Variants in PAPPA observed in about 807,000 individuals in gnomAD.
PAPPA encodes pappalysin 1, also known as pappalysin-1.
Under a neutral mutation model 164.0 loss-of-function variants are expected in PAPPA, and 60 were observed. The observed-to-expected ratio is 0.37, with a 90% CI of 0.30 to 0.45. The LOEUF is 0.45. PAPPA is among the 20% of genes least tolerant of loss of function. The pLI, the probability that PAPPA is intolerant of heterozygous loss-of-function variation, is 1.00. For synonymous variants in PAPPA, 875 were observed against 814.1 expected, an observed-to-expected ratio of 1.07 and a Z score of -1.27; for missense variants, 1,782 against 2,087.3, an observed-to-expected ratio of 0.85 and a Z score of 2.85.
rs1301192457 is a variant in PAPPA at position 116,398,592 on chromosome 9, T to A, written c.*1976T>A. ...CACTTGAGAAGACATCTATTGGCCA[T>A]CTCTGGCCAATTACACTAAGAAACA... On this transcript the variant is annotated 3_prime_UTR_variant, in exon 22 of 22. Coordinates refer to ENST00000328252, the MANE Select transcript of PAPPA (RefSeq NM_002581.5). 1 of 1,243,854 alleles carries A rather than the reference T, an allele frequency of 8.0e-7. No homozygotes were observed. The highest frequency in any genetic ancestry group is 2.3e-5 in the Admixed American group (1 of 43,486). 77.1% of individuals were successfully genotyped at this position (1,243,854 alleles called of 1,614,324 possible). A position where few individuals can be genotyped will look rare whatever the true frequency, so the allele number is the denominator to read the frequency against.
At chr9:116,266,801 G>T (rs2118815582) in intron 8 of PAPPA, among the ~76,000 whole-genome samples, 1 of 152,318 alleles carries the variant, frequency 6.6e-6, no homozygotes, top group East Asian at 1.9e-4. Flanking sequence ...TTTGTCTCTA[G>T]AGGTGGAAAA....
intron 5 of PAPPA, among the ~76,000 whole-genome samples, chr9:116,221,932 C>T (rs1039637378): frequency 2.6e-5 from 4 of 152,088 alleles, no homozygotes; most frequent in South Asian, 4.2e-4. Flanking sequence ...TCACCACACA[C>T]CTGTTAGAAT....
intron 7 of PAPPA, among the ~76,000 whole-genome samples, chr9:116,251,613 A>G (rs1355647696): frequency 6.6e-6 from 1 of 152,198 alleles, no homozygotes; most frequent in African/African-American, 2.4e-5. Flanking sequence ...ACTCTGCAGC[A>G]TGCCTGTTTA....
chr9:116,184,499 A>T (rs920110744), intron 1 of PAPPA, among the ~76,000 whole-genome samples: 2 of 151,790 alleles, frequency 1.3e-5, no homozygotes, highest in Admixed American at 1.3e-4. Flanking sequence ...CATCCTCTAC[A>T]TCACCCCTGA....
At chr9:116,318,453 T>A (rs1845813698) in intron 10 of PAPPA, 1 of 151,734 alleles carries the variant, frequency 6.6e-6, no homozygotes, top group African/African-American at 2.4e-5. Flanking sequence ...GAGAGAGACA[T>A]AGAAACATTT....
chr9:116,338,659 A>C (rs1846095306), intron 13 of PAPPA, among the ~76,000 whole-genome samples: 1 of 152,214 alleles, frequency 6.6e-6, no homozygotes, highest in Non-Finnish European at 1.5e-5. Flanking sequence ...CTCTCAGCAC[A>C]TTGATTGGGA....
chr9:116,310,482 C>T (rs1022787435), intron 10 of PAPPA, among the ~76,000 whole-genome samples: 3 of 152,130 alleles, frequency 2.0e-5, no homozygotes, highest in Non-Finnish European at 2.9e-5. Flanking sequence ...AAAAAAATCC[C>T]TCCAGGAAAG....
At chr9:116,361,026 A>C (rs1846419985) in intron 17 of PAPPA, among the ~76,000 whole-genome samples, 1 of 152,360 alleles carries the variant, frequency 6.6e-6, no homozygotes, top group African/African-American at 2.4e-5. Context: ...AGGAGCAGTG[A>C]GCATGAAAGC....
At chr9:116,267,731 C>G (rs1239378424) in intron 8 of PAPPA, among the ~76,000 whole-genome samples, 1 of 151,706 alleles carries the variant, frequency 6.6e-6, no homozygotes. Flanking sequence ...AAAAATTAGC[C>G]GGGCGCGGTG....
chr9:116,321,237 C>G (rs1159067505), intron 10 of PAPPA, among the ~76,000 whole-genome samples: 1 of 152,054 alleles, frequency 6.6e-6, no homozygotes. Context: ...CCGTGTTAGC[C>G]AAGATGGTCT....
chr9:116,374,185 G>T (rs10817876), intron 19 of PAPPA, among the ~76,000 whole-genome samples: 79 of 109,414 alleles, frequency 7.2e-4, no homozygotes, highest in South Asian at 4.0e-3. Context: ...GATGATGATG[G>T]TGGTGATGAT....
chr9:116,284,639 C>G (rs1845310206), intron 9 of PAPPA, among the ~76,000 whole-genome samples: 1 of 139,382 alleles, frequency 7.2e-6, no homozygotes, highest in South Asian at 2.5e-4. Flanking sequence ...ACACATCTTA[C>G]ACAAAGCTTG....
chr9:116,156,990 T>G (rs1271963500), intron 1 of PAPPA, among the ~76,000 whole-genome samples: 1 of 152,206 alleles, frequency 6.6e-6, no homozygotes, highest in Non-Finnish European at 1.5e-5. Context: ...GGCTGGGCGT[T>G]GCCACTTTCC....
At chr9:116,341,451 A>G (rs906748523) in intron 13 of PAPPA, among the ~76,000 whole-genome samples, 4 of 152,108 alleles carry the variant, frequency 2.6e-5, no homozygotes, top group African/African-American at 9.7e-5. Flanking sequence ...CTCTGCCCCA[A>G]ACCTGTGTAT....
intron 10 of PAPPA, among the ~76,000 whole-genome samples, chr9:116,309,642 G>A (rs143111116): frequency 1.2e-3 from 184 of 152,218 alleles, no homozygotes; most frequent in African/African-American, 3.4e-3. Context: ...GGGAGGACGG[G>A]AGAGGGAGGA....
intron 7 of PAPPA, among the ~76,000 whole-genome samples, chr9:116,238,580 T>C (rs1844699015): frequency 6.6e-6 from 1 of 152,220 alleles, no homozygotes; most frequent in Non-Finnish European, 1.5e-5. Flanking sequence ...TTTGTAAAAG[T>C]GCCACGTACT....
intron 10 of PAPPA, among the ~76,000 whole-genome samples, chr9:116,319,536 G>T (rs76960394): frequency 0.033 from 5,014 of 152,266 alleles, 202 homozygotes; most frequent in African/African-American, 0.095. Context: ...GAAAAAGGGG[G>T]TGGGGTGGGT....
intron 19 of PAPPA, among the ~76,000 whole-genome samples, chr9:116,369,620 CA>C (rs1428934758): frequency 6.6e-6 from 1 of 152,154 alleles, no homozygotes; most frequent in Non-Finnish European, 1.5e-5. Flanking sequence ...ACCAGCCTCC[CA>C]CTTAAGACCT....
chr9:116,319,324 C>T (rs1845825291), intron 10 of PAPPA, among the ~76,000 whole-genome samples: 1 of 152,206 alleles, frequency 6.6e-6, no homozygotes, highest in Non-Finnish European at 1.5e-5. Flanking sequence ...CTCAAGCCCC[C>T]TGCCCATCTC....
Sources: allele counts gnomAD v4.1 joint callset (sites outside exome capture counted in the v4.1 genomes callset), GRCh38; gene constraint gnomAD v4.1.1; transcripts MANE v1.5; gene names NCBI Gene and HGNC (gene_info 2026-07-23, HGNC 2026-07-21).